The following ADAM28 variants were observed in gnomAD, a reference collection of about 807,000 sequenced individuals.
ADAM28 encodes ADAM metallopeptidase domain 28, also known as disintegrin and metalloproteinase domain-containing protein 28.
A neutral mutation model predicts 101.2 loss-of-function variants in ADAM28; 105 were observed. That is an observed-to-expected ratio of 1.04 (90% CI 0.89 to 1.22). The LOEUF (loss-of-function observed/expected upper bound fraction) is 1.22, where lower values mean the gene tolerates loss of function less well. Among genes scored for constraint, ADAM28 ranks in the 50% most tolerant of loss-of-function variants. The probability of loss-of-function intolerance (pLI) is 0.00; values close to 1 mark genes in which losing one functional copy is unlikely to be tolerated. For missense variants in ADAM28, 1,028 were observed against 945.4 expected (o/e 1.09, Z -1.15); for synonymous variants, 322 against 310.6 (o/e 1.04, Z -0.39).
chr8:24,300,178 G>T, intron 2 of ADAM28, 101 bp downstream of exon 2: 2 of 967,638 alleles, frequency 2.1e-6, no homozygotes, highest in African/African-American at 1.7e-5. Context: ...ATTTATACAT[G>T]TATGTTTATA....
chr8:24,321,549 A>G, intron 8 of ADAM28: 1 of 418,578 alleles, frequency 2.4e-6, no homozygotes, highest in South Asian at 2.5e-5. Flanking sequence ...GGTGCATTGT[A>G]TTTTCCAAAA....
chr8:24,351,211 T>G, intron 19 of ADAM28, 21 bp from the exon 20 acceptor site: 1 of 1,527,192 alleles, frequency 6.5e-7, no homozygotes, highest in Non-Finnish European at 8.8e-7. Flanking sequence ...TCAATTGATA[T>G]CATGTGTTTC....
intron 10 of ADAM28, among the ~76,000 whole-genome samples, chr8:24,329,101 T>A (rs1033712008): frequency 6.6e-6 from 1 of 152,084 alleles, no homozygotes; most frequent in Non-Finnish European, 1.5e-5. Context: ...CTGGGGCTTT[T>A]TGGCTTGCAT....
Position 24,328,124 on chromosome 8 carries a change from T to C in ADAM28, c.972+1489T>C, listed in dbSNP as rs1177526669. Among the ~76,000 whole-genome samples the C allele has an allele frequency of 2.0e-5, 3 of 152,066 alleles. No individual in the cohort carries two copies. In the East Asian group the frequency reaches 5.8e-4, roughly 29 times the overall value. On this transcript the variant is annotated intron_variant, in intron 10 of 22. Coordinates refer to ENST00000265769, the MANE Select transcript of ADAM28 (RefSeq NM_014265.6). ...ATTTCCAGCACTCTTTACTTCTCTA[T>C]AAAAATCCTAATTTCTATCTAGTAT...
chr8:24,307,519 C>T (rs1809858898), intron 2 of ADAM28, among the ~76,000 whole-genome samples: 1 of 152,108 alleles, frequency 6.6e-6, no homozygotes, highest in Non-Finnish European at 1.5e-5. Flanking sequence ...ATATTTTATT[C>T]ATAATCATAT....
chr8:24,347,905 G>A (rs951797741), intron 18 of ADAM28, among the ~76,000 whole-genome samples: 5 of 151,884 alleles, frequency 3.3e-5, no homozygotes, highest in Admixed American at 6.6e-5. Flanking sequence ...TCTGAATCAC[G>A]TTTTAAGTCT....
At chr8:24,317,726 C>G (rs1407910715) in intron 6 of ADAM28, among the ~76,000 whole-genome samples, 1 of 151,668 alleles carries the variant, frequency 6.6e-6, no homozygotes, top group African/African-American at 2.4e-5. Context: ...AGCAAACAAA[C>G]AAAATGAAAA....
intron 2 of ADAM28, among the ~76,000 whole-genome samples, chr8:24,305,052 G>A (rs552239119): frequency 7.3e-5 from 11 of 151,268 alleles, no homozygotes; most frequent in South Asian, 2.1e-4. Flanking sequence ...TCTTCTTTTC[G>A]ACATAAATTA....
chr8:24,300,586 T>C (rs1808608927), intron 2 of ADAM28, among the ~76,000 whole-genome samples: 1 of 152,066 alleles, frequency 6.6e-6, no homozygotes, highest in Non-Finnish European at 1.5e-5. Context: ...CGGCTAATTT[T>C]TTTGTATTTT....
In ADAM28 at chr8:24,349,882, G is replaced by C. The variant is rs543916180; in HGVS notation, c.2009G>C (p.Gly670Ala). The C allele has an allele frequency of 9.3e-6, 15 of 1,613,612 alleles. No individual in the cohort carries two copies. The highest frequency in any genetic ancestry group is 1.3e-5 in the Non-Finnish European group (15 of 1,179,718). The change falls in exon 19 of 23, where the codon GGG (glycine) becomes GCG (alanine). Residue 670 changes from glycine (G) to alanine (A), a missense_variant. Physicochemically the swap from Gly to Ala is moderately conservative, Grantham distance 60 (BLOSUM62 0). Transcript: ENST00000265769. ...GCTGCAGACTTCTCCATTGTGGTTG[G>C]GGTGCTGTTCCCAATGGCGGTCATT... ...SVVFHFSIVV[G>A]VLFPMAVIFV...
At chr8:24,306,405 T>G (rs1299860626) in intron 2 of ADAM28, among the ~76,000 whole-genome samples, 2 of 144,450 alleles carry the variant, frequency 1.4e-5, no homozygotes, top group Non-Finnish European at 3.0e-5. Flanking sequence ...TATATATATA[T>G]GTTCCACACA....
At chr8:24,295,574 C>A (rs528366484) in intron 1 of ADAM28, among the ~76,000 whole-genome samples, 19 of 152,154 alleles carry the variant, frequency 1.2e-4, no homozygotes, top group Admixed American at 4.6e-4. Context: ...AGTTGAAGAG[C>A]GTAAAGATCA....
intron 5 of ADAM28, among the ~76,000 whole-genome samples, chr8:24,313,095 G>C (rs576386571): frequency 1.3e-5 from 2 of 152,252 alleles, no homozygotes; most frequent in South Asian, 4.1e-4. Context: ...TTGGAAGAAT[G>C]CTGTACCAAG....
intron 2 of ADAM28, among the ~76,000 whole-genome samples, chr8:24,305,113 T>A (rs1809390837): frequency 6.6e-6 from 1 of 152,018 alleles, no homozygotes; most frequent in Non-Finnish European, 1.5e-5. Flanking sequence ...ACTTCTATGT[T>A]TTTTTTAATG....
rs527782093 is a variant in ADAM28, at chr8:24,353,756, T to C, written c.2245-14T>C. 6.9e-7 allele frequency: 1 copy of C among 1,439,494 alleles called. No individual in the cohort carries two copies. The highest frequency in any genetic ancestry group is 1.1e-5 in the South Asian group (1 of 87,168). 89.2% of individuals were successfully genotyped at this position (1,439,494 alleles called of 1,614,324 possible). ...ATTTCTAATGCCATACCATTGTTTT[T>C]ATAATTAACGTAGCATAAAGACACA... On this transcript the variant is annotated splice_polypyrimidine_tract_variant and intron_variant, in intron 21 of 22. Transcript: ENST00000265769.
chr8:24,335,626 G>T lies in ADAM28; in HGVS notation c.1552G>T (p.Glu518Ter). Residue 518 changes from glutamate (E) to a stop codon, truncating the protein, a stop_gained, in exon 14 of 23, where the codon GAG becomes TAG. Transcript: ENST00000265769. LOFTEE classifies it high-confidence loss of function. Reference protein sequence around the residue: ...TCPTLQEQCTELWGPGTEVAD... With the variant: ...TCPTLQEQCT ...CCCCACACTGCAGGAGCAGTGCACA[G>T]AGCTGTGGGGACCAGGTAGGAGGAC... is the stretch of plus-strand genomic sequence containing the variant. 1 of 1,606,900 alleles carries T rather than the reference G, an allele frequency of 6.2e-7. No homozygotes were observed. Among genetic ancestry groups the T allele is most frequent in the Non-Finnish European group, 8.5e-7 (1 of 1,177,064 alleles).
At chr8:24,333,053 A>G (rs1813565312) in intron 13 of ADAM28, among the ~76,000 whole-genome samples, 1 of 152,176 alleles carries the variant, frequency 6.6e-6, no homozygotes, top group Non-Finnish European at 1.5e-5. Flanking sequence ...ATGCCAACTG[A>G]AATAAGCCAG....
intron 2 of ADAM28, among the ~76,000 whole-genome samples, chr8:24,308,278 G>A (rs1274735465): frequency 5.3e-5 from 8 of 152,072 alleles, no homozygotes; most frequent in African/African-American, 1.9e-4. Flanking sequence ...CTCTCCACCA[G>A]GGAACTCTCT....
intron 2 of ADAM28, among the ~76,000 whole-genome samples, chr8:24,305,473 TTTTTA>T (rs1809471209): frequency 1.4e-5 from 2 of 142,654 alleles, no homozygotes; most frequent in African/African-American, 2.8e-5. Context: ...TTTTTTTTTT[TTTTTA>T]AAATATGTCT....
Sources: gnomAD v4.1 joint callset for allele counts (sites outside exome capture counted in the v4.1 genomes callset) on GRCh38, gnomAD v4.1.1 for gene constraint, MANE v1.5 for transcripts, NCBI Gene and HGNC (gene_info 2026-07-23, HGNC 2026-07-21) for gene names.